Variants in ADCYAP1R1 observed in about 807,000 individuals in gnomAD.
The protein encoded by ADCYAP1R1 is ADCYAP receptor type I.
Under a neutral mutation model 67.6 loss-of-function variants are expected in ADCYAP1R1, and 44 were observed. That is an observed-to-expected ratio of 0.65 (90% CI 0.51 to 0.84). The LOEUF is 0.84. Ranked by LOEUF, ADCYAP1R1 falls within the 40% of genes least tolerant of loss-of-function variation. The pLI, the probability that ADCYAP1R1 is intolerant of heterozygous loss-of-function variation, is 0.00. For missense variants in ADCYAP1R1, 477 were observed against 587.9 expected, an observed-to-expected ratio of 0.81 and a Z score of 1.95; for synonymous variants, 222 against 219.6, an observed-to-expected ratio of 1.01 and a Z score of -0.10.
At chr7:31,082,200 G>A (rs1795544917) in intron 6 of ADCYAP1R1, among the ~76,000 whole-genome samples, 1 of 152,214 alleles carries the variant, frequency 6.6e-6, no homozygotes, top group Non-Finnish European at 1.5e-5. Context: ...ATGCTGATGG[G>A]CTGATCCGGG....
chr7:31,097,502 T>C (rs974399983), intron 13 of ADCYAP1R1, among the ~76,000 whole-genome samples: 1 of 152,104 alleles, frequency 6.6e-6, no homozygotes, highest in Non-Finnish European at 1.5e-5. Flanking sequence ...TTTAGACCCA[T>C]CTCCTTCAAG....
chr7:31,059,660 G>A (rs1268022714), intron 1 of ADCYAP1R1, among the ~76,000 whole-genome samples: 1 of 152,194 alleles, frequency 6.6e-6, no homozygotes, highest in Non-Finnish European at 1.5e-5. Flanking sequence ...CAGCAAGTGA[G>A]GGGAGGCATC....
intron 1 of ADCYAP1R1, among the ~76,000 whole-genome samples, chr7:31,058,462 A>G (rs976787220): frequency 2.0e-5 from 3 of 152,060 alleles, no homozygotes; most frequent in East Asian, 1.9e-4. Flanking sequence ...ATGGTGTGCT[A>G]TTGGGATCCC....
At chr7:31,081,847 C>G (rs542931501) in intron 6 of ADCYAP1R1, 93 bp downstream of exon 6, 48 of 996,330 alleles carry the variant, frequency 4.8e-5, no homozygotes, top group Non-Finnish European at 6.7e-5. Flanking sequence ...AGGCTGGGCT[C>G]TGCTCCTCTG....
intron 3 of ADCYAP1R1, among the ~76,000 whole-genome samples, chr7:31,072,175 G>A (rs570805323): frequency 1.2e-4 from 18 of 152,244 alleles, no homozygotes; most frequent in African/African-American, 3.1e-4. Context: ...CATTTCTTGC[G>A]TGCATGTATC....
intron 5 of ADCYAP1R1, 34 bp downstream of exon 5, chr7:31,080,667 C>T (rs200964072): frequency 3.9e-4 from 635 of 1,611,722 alleles, no homozygotes; most frequent in Middle Eastern, 3.7e-3. Flanking sequence ...AGACCGCTGT[C>T]TTTCTGTCCA....
rs372937332 is a variant in ADCYAP1R1 at position 31,084,255 on chromosome 7, G to A, written c.438+5G>A. ...GAATCTGAGACTGGGGACCAGGTGA[G>A]TGTCTGCACCCTGCTCCCCAGAGGT... On this transcript the variant is annotated splice_donor_5th_base_variant and intron_variant, in intron 7 of 15. Transcript: ENST00000304166. 1.2e-6 allele frequency: 2 copies of A among 1,611,886 alleles called. No individual in the cohort carries two copies. Among genetic ancestry groups the A allele is most frequent in the African/African-American group, 1.3e-5 (1 of 74,976 alleles).
chr7:31,058,407 C>T (rs1479669420), intron 1 of ADCYAP1R1, among the ~76,000 whole-genome samples: 1 of 152,184 alleles, frequency 6.6e-6, no homozygotes, highest in Non-Finnish European at 1.5e-5. Flanking sequence ...CAGTTTCACT[C>T]CAGGTTCGGT....
chr7:31,055,358 T>C lies in ADCYAP1R1; in HGVS notation c.-72+2680T>C, dbSNP rs1023933616. Among the ~76,000 whole-genome samples, 11 of 141,230 alleles carry C rather than the reference T, an allele frequency of 7.8e-5. No individual in the cohort carries two copies. The South Asian group carries it at 1.4e-3, about 18-fold the overall frequency. 92.7% of individuals were successfully genotyped at this position (141,230 alleles called of 152,430 possible). ...GTGTGTGTGTGTGTGTGTGTGTGTGTGCACGCGCGTGTTGCATAAGCCTAG... is the reference window on the plus strand; with the variant it reads ...GTGTGTGTGTGTGTGTGTGTGTGTGCGCACGCGCGTGTTGCATAAGCCTAG... On this transcript the variant is annotated intron_variant, in intron 1 of 15. Transcript: ENST00000304166.
rs1288628685 is a variant in ADCYAP1R1 at position 31,063,178 on chromosome 7, T to C, written c.-71-16T>C. On this transcript the variant is annotated splice_polypyrimidine_tract_variant and intron_variant, in intron 1 of 15. Coordinates refer to ENST00000304166, the MANE Select transcript of ADCYAP1R1 (RefSeq NM_001118.5). Reference sequence around the variant, plus strand: ...GCACTGGGCTCACAGGATTCACACCTTTCCTTCCTCTCTAGCCCAGAGACA... The same window carrying C: ...GCACTGGGCTCACAGGATTCACACCCTTCCTTCCTCTCTAGCCCAGAGACA... The C allele has an allele frequency of 3.0e-5, 46 of 1,549,062 alleles. No individual in the cohort carries two copies. Among genetic ancestry groups the C allele is most frequent in the Non-Finnish European group, 3.5e-5 (39 of 1,122,348 alleles).
At chr7:31,098,711 G>GTC in intron 13 of ADCYAP1R1, among the ~76,000 whole-genome samples, 3 of 121,654 alleles carry the variant, frequency 2.5e-5, no homozygotes, top group African/African-American at 8.2e-5. Context: ...GGCGGGGGGG[G>GTC]GGGGGGGACC....
At position 31,086,626 on chromosome 7, in the gene ADCYAP1R1, AG is replaced by A; in HGVS notation, c.823+91del. 2.0e-6 allele frequency: 3 copies of A among 1,505,180 alleles called. No homozygotes were observed. In the African/African-American group the frequency reaches 4.1e-5, roughly 21 times the overall value. The allele number at this position is 1,505,180 out of a possible 1,614,324, so 93.2% of individuals were successfully genotyped here. ...TTTGGTTCCATCTTCAGGAAGTGTCAGGTGAGGAGGGGCCACTGCCCTGCCC... is the reference window on the plus strand; with the variant it reads ...TTTGGTTCCATCTTCAGGAAGTGTCAGTGAGGAGGGGCCACTGCCCTGCCC... On this transcript the variant is annotated intron_variant, in intron 10 of 15. Transcript: ENST00000304166. The surrounding 1 kb of genome is among the most constrained non-coding windows in gnomAD (Gnocchi z 5.0).
intron 13 of ADCYAP1R1, chr7:31,100,256 G>T (rs958727815): frequency 1.3e-6 from 2 of 1,531,700 alleles, no homozygotes; most frequent in Admixed American, 3.9e-5. Flanking sequence ...CTGGAGGGGT[G>T]GGGGACGCAT....
rs200421691 is a variant in ADCYAP1R1 at position 31,106,605 on chromosome 7, G to A, written c.1328G>A (p.Gly443Asp). The A allele has an allele frequency of 1.4e-5, 23 of 1,613,972 alleles. No individual in the cohort carries two copies. The highest frequency in any genetic ancestry group is 5.0e-5 in the Admixed American group (3 of 59,998). ...PSLASSGVNGGTQLSILSKSS... is the reference protein window; with the variant it reads ...PSLASSGVNGDTQLSILSKSS... Reference sequence around the variant, plus strand: ...CTGGCCAGCAGTGGGGTGAATGGGGGCACCCAGCTCTCCATCCTGAGCAAG... The same window carrying A: ...CTGGCCAGCAGTGGGGTGAATGGGGACACCCAGCTCTCCATCCTGAGCAAG... The change falls in exon 16 of 16, where the codon GGC becomes GAC. Residue 443 changes from glycine to aspartate, a missense_variant. Physicochemically the swap from Gly to Asp is moderately conservative, Grantham distance 94. Transcript: ENST00000304166.
rs1199940679 is a variant in ADCYAP1R1 at position 31,110,247 on chromosome 7, T to C, written c.*3563T>C. On this transcript the variant is annotated 3_prime_UTR_variant, in exon 16 of 16. Coordinates refer to ENST00000304166, the MANE Select transcript of ADCYAP1R1 (RefSeq NM_001118.5). ...ATTTAGTATTATCATAAAGTATTAA[T>C]ACTTTGTCATAAAGTCCTCCTTGAG... 1 of 151,834 alleles carries C rather than the reference T, an allele frequency of 6.6e-6. No homozygotes were observed. The highest frequency in any genetic ancestry group is 1.5e-5 in the Non-Finnish European group (1 of 68,006). The allele number at this position is 151,834 out of a possible 1,614,324, so 9.4% of individuals were successfully genotyped here.
intron 13 of ADCYAP1R1, 70 bp downstream of exon 13, chr7:31,092,805 A>T: frequency 8.4e-7 from 1 of 1,188,712 alleles, no homozygotes. Flanking sequence ...AGGTCACAGC[A>T]GAAGGCGGCC....
intron 11 of ADCYAP1R1, 123 bp downstream of exon 11, chr7:31,087,126 T>A: frequency 4.3e-6 from 5 of 1,175,174 alleles, no homozygotes; most frequent in Non-Finnish European, 3.7e-6. Flanking sequence ...AGGCCCAGAC[T>A]AAAGCCCAGC....
Position 31,086,960 on chromosome 7 carries a change from G to T in ADCYAP1R1, c.841G>T (p.Val281Leu). 1 of 1,614,188 alleles carries T rather than the reference G, an allele frequency of 6.2e-7. No individual in the cohort carries two copies. Among genetic ancestry groups the T allele is most frequent in the South Asian group, 1.1e-5 (1 of 91,078 alleles). ...TCTCCCAGGGACCCCAACTGTGTGT[G>T]TGACAGTGTGGGCTACGCTGAGACT... The part of the protein sequence containing the change: ...IIGWGTPTVC[V>L]TVWATLRLYF... The change falls in exon 11 of 16, where the codon GTG becomes TTG. Residue 281 changes from valine to leucine, a missense_variant. Physicochemically the swap from Val to Leu is conservative, Grantham distance 32. Transcript: ENST00000304166. This position sits in a 1 kb window ranked among gnomAD's most constrained non-coding sequence, Gnocchi z 5.0.
At chr7:31,085,250 T>G (rs1795688529) in intron 8 of ADCYAP1R1, 60 bp from the exon 9 acceptor site, 3 of 1,577,044 alleles carry the variant, frequency 1.9e-6, no homozygotes, top group Non-Finnish European at 2.6e-6. Flanking sequence ...GATGCCCACA[T>G]GGAGGGTGTG....
Sources: gnomAD v4.1 joint callset for allele counts (sites outside exome capture counted in the v4.1 genomes callset) on GRCh38, gnomAD v4.1.1 for gene constraint, Gnocchi (gnomAD v3.1) non-coding constraint, MANE v1.5 for transcripts, NCBI Gene and HGNC (gene_info 2026-07-23, HGNC 2026-07-21) for gene names.